Variants in KIF12 observed in about 807,000 individuals in gnomAD.
The protein encoded by KIF12 is kinesin family member 12, also known as kinesin-like protein KIF12.
A neutral mutation model predicts 87.9 loss-of-function variants in KIF12; 80 were observed. The observed-to-expected ratio is 0.91, with a 90% confidence interval of 0.76 to 1.10. The LOEUF is 1.10. Ranked by LOEUF, KIF12 falls within the 50% of genes least tolerant of loss-of-function variation. The pLI, the probability that KIF12 is intolerant of heterozygous loss-of-function variation, is 0.00. For synonymous variants in KIF12, 353 were observed against 348.5 expected (o/e 1.01, Z -0.14); for missense variants, 819 against 865.3 (o/e 0.95, Z 0.67).
At position 114,093,348 on chromosome 9, in the gene KIF12, G is replaced by T. The variant is rs368073735; in HGVS notation, c.1492-15C>A. 4 of 1,555,486 alleles carry T rather than the reference G, an allele frequency of 2.6e-6. No individual in the cohort carries two copies. The highest frequency in any genetic ancestry group is 2.6e-6 in the Non-Finnish European group (3 of 1,148,884). ...GGTGGCAGTGCCTGCAAAAAGGTGC[G>T]TCAGAGGCTCCATGACATCCCTACT... On this transcript the variant is annotated splice_polypyrimidine_tract_variant and intron_variant, in intron 15 of 18. Transcript: ENST00000640217.
At chr9:114,098,475 G>T in intron 3 of KIF12, 46 bp from the exon 4 acceptor site, 2 of 1,439,458 alleles carry the variant, frequency 1.4e-6, no homozygotes, top group Non-Finnish European at 1.8e-6. Context: ...GAGGAGGGCG[G>T]GGCACCCTGG....
At chr9:114,093,038 C>T in intron 16 of KIF12, 191 bp downstream of exon 16, 2 of 1,212,228 alleles carry the variant, frequency 1.6e-6, no homozygotes, top group South Asian at 3.1e-5. Flanking sequence ...CCTGACAGGG[C>T]AGGGTGAGGA....
Position 114,099,285 on chromosome 9 carries a change from C to T in KIF12, c.-9G>A. 5 of 1,551,062 alleles carry T rather than the reference C, an allele frequency of 3.2e-6. No individual in the cohort carries two copies. The highest frequency in any genetic ancestry group is 4.4e-6 in the Non-Finnish European group (5 of 1,147,074). ...GACCCGCGTTCTTCCATGTCCTGCTCTGCACACGGAGTTAGCTCCGCCCGC... is the reference window on the plus strand; with the variant it reads ...GACCCGCGTTCTTCCATGTCCTGCTTTGCACACGGAGTTAGCTCCGCCCGC... On this transcript the variant is annotated 5_prime_UTR_variant, in exon 1 of 19. Coordinates refer to ENST00000640217, the MANE Select transcript of KIF12 (RefSeq NM_001388308.1).
chr9:114,094,054 G>T, intron 13 of KIF12, 82 bp from the exon 14 acceptor site: 1 of 1,449,132 alleles, frequency 6.9e-7, no homozygotes, highest in Non-Finnish European at 9.7e-7. Flanking sequence ...TTGCAGCATA[G>T]CACCAGTTCA....
At position 114,097,617 on chromosome 9, in the gene KIF12, T is replaced by C; in HGVS notation, c.500A>G (p.Tyr167Cys). ...CTCTCATTCCCTTACCTGCTCATTG[T>C]AGATCTCCAGATAAGAGGCGCGAAG... ...VTLRASYLEI[Y>C]NEQVRDLLSL... The change falls in exon 6 of 19, where the codon TAC becomes TGC. Residue 167 changes from tyrosine (Y) to cysteine (C), a missense_variant. Coordinates refer to ENST00000640217, the MANE Select transcript of KIF12 (RefSeq NM_001388308.1). 1 of 1,614,134 alleles carries C rather than the reference T, an allele frequency of 6.2e-7. No homozygotes were observed. Among genetic ancestry groups the C allele is most frequent in the Non-Finnish European group, 8.5e-7 (1 of 1,180,014 alleles).
At position 114,097,383 on chromosome 9, in the gene KIF12, G is replaced by C; in HGVS notation, c.564C>G (p.Asn188Lys). ...GSPRPLPVRW[N>K]KTRGFYVEQL... Reference sequence around the variant, plus strand: ...GCTCCACATAGAAGCCCCGAGTCTTGTTCCAGCGAACAGGGAGGGGCCGGG... The same window carrying C: ...GCTCCACATAGAAGCCCCGAGTCTTCTTCCAGCGAACAGGGAGGGGCCGGG... The change falls in exon 7 of 19, where the codon AAC becomes AAG. Residue 188 changes from asparagine to lysine, a missense_variant. By Grantham distance (94) the Asn-to-Lys change is moderately conservative (BLOSUM62 0). Coordinates refer to ENST00000640217, the MANE Select transcript of KIF12 (RefSeq NM_001388308.1). 1 of 1,608,022 alleles carries C rather than the reference G, an allele frequency of 6.2e-7. No individual in the cohort carries two copies. The highest frequency in any genetic ancestry group is 2.2e-5 in the East Asian group (1 of 44,836).
At chr9:114,092,889 G>A in intron 16 of KIF12, 2 of 1,430,942 alleles carry the variant, frequency 1.4e-6, no homozygotes, top group Non-Finnish European at 1.8e-6. Context: ...TGACTCCTCA[G>A]AGCCCAGAAG....
At position 114,092,441 on chromosome 9, in the gene KIF12, C is replaced by A; in HGVS notation, c.1708G>T (p.Asp570Tyr). The A allele has an allele frequency of 6.2e-7, 1 of 1,613,704 alleles. No homozygotes were observed. The highest frequency in any genetic ancestry group is 8.5e-7 in the Non-Finnish European group (1 of 1,179,882). The stretch of plus-strand genomic sequence containing the variant: ...GCCAGGACTCGGGTCTGAGTCCAGT[C>A]ACTGTGACTCCTGGGCCAGGGTGAG... Reference protein sequence around the residue: ...AKCPRERSHSDWTQTRVLAEM... With the variant: ...AKCPRERSHSYWTQTRVLAEM... The change falls in exon 18 of 19, where the codon GAC becomes TAC. Residue 570 changes from aspartate to tyrosine, a missense_variant. Physicochemically the swap from Asp to Tyr is radical, Grantham distance 160 (BLOSUM62 -3). Transcript: ENST00000640217.
chr9:114,091,769 TGTCTCC>T lies in KIF12; in HGVS notation c.*86_*91del. On this transcript the variant is annotated 3_prime_UTR_variant, in exon 19 of 19. Coordinates refer to ENST00000640217, the MANE Select transcript of KIF12 (RefSeq NM_001388308.1). ...CAGCTGCAGGTGGAGTAGCAGCTGC[TGTCTCC>T]ATTCAGCAGATGGGCAGACTGAAGC... 2.3e-6 allele frequency: 3 copies of T among 1,325,238 alleles called. No individual in the cohort carries two copies. Among genetic ancestry groups the T allele is most frequent in the Non-Finnish European group, 3.0e-6 (3 of 985,228 alleles). The allele number at this position is 1,325,238 out of a possible 1,614,324, so 82.1% of individuals were successfully genotyped here. A position where few individuals can be genotyped will look rare whatever the true frequency, so the allele number is the denominator to read the frequency against.
At chr9:114,094,127 C>A in intron 13 of KIF12, 54 bp downstream of exon 13, 2 of 1,559,546 alleles carry the variant, frequency 1.3e-6, no homozygotes, top group Non-Finnish European at 1.8e-6. Context: ...CCAGAAGCAG[C>A]CTAGCAGTGA....
rs1385674206 is a variant in KIF12 at position 114,093,469 on chromosome 9, G to A, written c.1429C>T (p.Gln477Ter). 1 of 1,564,100 alleles carries A rather than the reference G, an allele frequency of 6.4e-7. No individual in the cohort carries two copies. Among genetic ancestry groups the A allele is most frequent in the Non-Finnish European group, 8.7e-7 (1 of 1,153,836 alleles). ...RRLLSACYHH[Q>*]QGPGLTPPCP... ...GGTGGGGTCAGGCCAGGACCCTGCT[G>A]GTGATGGTAGCAGGCAGAGAGGAGA... The change falls in exon 15 of 19, where the codon CAG becomes TAG. Residue 477 changes from glutamine (Q) to a stop codon, truncating the protein, a stop_gained. Transcript: ENST00000640217. LOFTEE classifies it high-confidence loss of function.
intron 3 of KIF12, 114 bp downstream of exon 3, chr9:114,098,821 C>T: frequency 8.2e-7 from 1 of 1,223,290 alleles, no homozygotes; most frequent in Non-Finnish European, 1.1e-6. Context: ...GGGCGGGGCA[C>T]CTGGGAGAGG....
intron 3 of KIF12, 55 bp downstream of exon 3, chr9:114,098,880 G>A: frequency 6.6e-7 from 1 of 1,526,470 alleles, no homozygotes; most frequent in Non-Finnish European, 8.8e-7. Context: ...CTGGGGGAAG[G>A]GATCTGGCGT....
In KIF12 at chr9:114,098,274, C is replaced by G. The variant is rs567332191; in HGVS notation, c.299+28G>C. 3 of 1,500,330 alleles carry G rather than the reference C, an allele frequency of 2.0e-6. No homozygotes were observed. The Admixed American group carries it at 7.3e-5, about 36-fold the overall frequency. 92.9% of individuals were successfully genotyped at this position (1,500,330 alleles called of 1,614,324 possible). A position where few individuals can be genotyped will look rare whatever the true frequency, so the allele number is the denominator to read the frequency against. On this transcript the variant is annotated intron_variant, in intron 4 of 18. Coordinates refer to ENST00000640217, the MANE Select transcript of KIF12 (RefSeq NM_001388308.1). ...TGCTTCGGGGCCCCGCCAGGCCCGG[C>G]GCGGAGCGGAGGCGAAGCTTCACTC...
chr9:114,094,312 G>C (rs766974860), intron 12 of KIF12, 41 bp from the exon 13 acceptor site: 2 of 1,610,030 alleles, frequency 1.2e-6, no homozygotes, highest in South Asian at 2.2e-5. Context: ...AGGAGCCCCA[G>C]ACCCTATCCC....
In KIF12 at chr9:114,095,309, C is replaced by G; in HGVS notation, c.919G>C (p.Asp307His). 1 of 1,613,540 alleles carries G rather than the reference C, an allele frequency of 6.2e-7. No homozygotes were observed. Among genetic ancestry groups the G allele is most frequent in the Non-Finnish European group, 8.5e-7 (1 of 1,180,002 alleles). ...ATGTGGCTCTGCTTCCGCTGTGGGT[C>G]CAGCAGCAGGGAGATGCAGTGACCT... ...ALGHCISLLL[D>H]PQRKQSHIPF... Residue 307 changes from aspartate (D) to histidine (H), a missense_variant, in exon 10 of 19, where the codon GAC becomes CAC. Coordinates refer to ENST00000640217, the MANE Select transcript of KIF12 (RefSeq NM_001388308.1).
At chr9:114,096,985 G>C (rs1847257125) in intron 7 of KIF12, among the ~76,000 whole-genome samples, 1 of 152,238 alleles carries the variant, frequency 6.6e-6, no homozygotes, top group Non-Finnish European at 1.5e-5. Flanking sequence ...GCATAGAGGA[G>C]AATGGATGGG....
At chr9:114,092,041 C>G (rs1425836184) in intron 18 of KIF12, 41 bp from the exon 19 acceptor site, 3 of 1,577,756 alleles carry the variant, frequency 1.9e-6, no homozygotes, top group Non-Finnish European at 2.6e-6. Flanking sequence ...TCTCCAGGGC[C>G]CTTCCTCACC....
Position 114,091,899 on chromosome 9 carries a change from C to T in KIF12, c.1918G>A (p.Gly640Ser). The T allele has an allele frequency of 1.2e-6, 2 of 1,611,814 alleles. No individual in the cohort carries two copies. Among genetic ancestry groups the T allele is most frequent in the Non-Finnish European group, 1.7e-6 (2 of 1,178,628 alleles). The stretch of plus-strand genomic sequence containing the variant: ...AGGACTTGGCCTGGGCTCCGTGCGC[C>T]CTCACTGCAGGGTGGCTGGCTGCGG... Reference protein sequence around the residue: ...RGRSQPPCSEGARSPGQVLPP... With the variant: ...RGRSQPPCSESARSPGQVLPP... Residue 640 changes from glycine (G) to serine (S), a missense_variant, in exon 19 of 19, where the codon GGC becomes AGC. Transcript: ENST00000640217.
Sources: gnomAD v4.1 joint callset for allele counts (sites outside exome capture counted in the v4.1 genomes callset) on GRCh38, gnomAD v4.1.1 for gene constraint, MANE v1.5 for transcripts, NCBI Gene and HGNC (gene_info 2026-07-23, HGNC 2026-07-21) for gene names.